Variants in PRICKLE2 observed in about 807,000 individuals in gnomAD.
The protein encoded by PRICKLE2 is prickle planar cell polarity protein 2, also known as prickle-like protein 2.
In PRICKLE2, 21 loss-of-function variants were observed where a neutral mutation model predicts 81.4. The ratio of observed to expected loss-of-function variants is 0.26; its 90% CI spans 0.18 to 0.37. The LOEUF is 0.37. Among genes scored for constraint, PRICKLE2 ranks in the 10% least tolerant of loss-of-function variants. PRICKLE2 has a pLI of 1.00. For synonymous variants in PRICKLE2, 456 were observed against 421.5 expected (o/e 1.08, Z -1.00); for missense variants, 940 against 1,109.0 (o/e 0.85, Z 2.16).
intron 7 of PRICKLE2, among the ~76,000 whole-genome samples, chr3:64,142,105 ATG>A (rs902141908): frequency 2.0e-5 from 3 of 152,144 alleles, no homozygotes; most frequent in Non-Finnish European, 4.4e-5. Context: ...GCAGAGTAGG[ATG>A]TGAAAGGCTA....
intron 2 of PRICKLE2, among the ~76,000 whole-genome samples, chr3:64,191,148 T>A (rs2078326112): frequency 3.9e-5 from 6 of 152,196 alleles, no homozygotes; most frequent in African/African-American, 1.2e-4. Context: ...AATTACCTTA[T>A]GAAAACCTTT....
chr3:64,257,808 A>G (rs2079549681), intron 2 of PRICKLE2, among the ~76,000 whole-genome samples: 1 of 152,130 alleles, frequency 6.6e-6, no homozygotes, highest in South Asian at 2.1e-4. Flanking sequence ...CCTCAAATTC[A>G]TAGGTTTAAA....
upstream of PRICKLE2, among the ~76,000 whole-genome samples, chr3:64,229,667 G>A (rs902716669): frequency 2.0e-5 from 3 of 152,124 alleles, no homozygotes; most frequent in African/African-American, 7.2e-5. Flanking sequence ...CCCTGCTATT[G>A]GGAAATTCTA....
intron 2 of PRICKLE2, among the ~76,000 whole-genome samples, chr3:64,264,134 G>C (rs1316398378): frequency 6.6e-6 from 1 of 151,860 alleles, no homozygotes; most frequent in Non-Finnish European, 1.5e-5. Context: ...AAGCATCCCA[G>C]GTAGATGCTT....
At chr3:64,178,332 T>G (rs959347905) in intron 2 of PRICKLE2, among the ~76,000 whole-genome samples, 1 of 152,196 alleles carries the variant, frequency 6.6e-6, no homozygotes, top group African/African-American at 2.4e-5. Context: ...TGTATCCTCC[T>G]ATAGGTAGGC....
At position 64,123,090 on chromosome 3, in the gene PRICKLE2, T is replaced by G. The variant is rs1160485425; in HGVS notation, c.1661-23165A>C. On this transcript the variant is annotated intron_variant, in intron 7 of 7. Transcript: ENST00000638394. Reference sequence around the variant, plus strand: ...CACCCAGCTCAGAGCTCCTACCCTTTTGATGGAAGTGCAACTGATCCAGCC... The same window carrying G: ...CACCCAGCTCAGAGCTCCTACCCTTGTGATGGAAGTGCAACTGATCCAGCC... Among the ~76,000 whole-genome samples the G allele has an allele frequency of 4.6e-5, 7 of 152,184 alleles. No individual in the cohort carries two copies. In the East Asian group the frequency reaches 1.3e-3, roughly 29 times the overall value.
intron 2 of PRICKLE2, among the ~76,000 whole-genome samples, chr3:64,177,793 T>C (rs549684254): frequency 1.3e-5 from 2 of 152,246 alleles, no homozygotes; most frequent in Admixed American, 6.5e-5. Flanking sequence ...ATTTTGTTTA[T>C]CCATTTTTAT....
In PRICKLE2 at chr3:64,157,336, G is replaced by A. The variant is rs559904651; in HGVS notation, c.426C>T (p.Ile142=). 12 of 1,613,556 alleles carry A rather than the reference G, an allele frequency of 7.4e-6. No homozygotes were observed. The highest frequency in any genetic ancestry group is 3.3e-5 in the South Asian group (3 of 91,042). The change falls in exon 5 of 8, where the codon ATC becomes ATT. Residue 142 remains isoleucine, a synonymous_variant. Transcript: ENST00000638394. ...QCGGQINGGD[I]AVFASRAGHG... The stretch of plus-strand genomic sequence containing the variant: ...GGCCAGCGCGTGACGCAAACACAGC[G>A]ATGTCTCCACCATTGATCTGGCCTC...
chr3:64,117,884 A>C (rs1005841094), intron 7 of PRICKLE2, among the ~76,000 whole-genome samples: 2 of 152,182 alleles, frequency 1.3e-5, no homozygotes, highest in African/African-American at 4.8e-5. Context: ...AAAAGAGCCC[A>C]AATAGCCAAG....
intron 2 of PRICKLE2, among the ~76,000 whole-genome samples, chr3:64,198,269 T>A (rs11707432): frequency 1.1e-5 from 1 of 95,144 alleles, no homozygotes; most frequent in Non-Finnish European, 2.1e-5. Flanking sequence ...ACAAAAAAAA[T>A]TTCAAGGGCT....
At chr3:64,250,328 T>C (rs550003276) in intron 2 of PRICKLE2, among the ~76,000 whole-genome samples, 16 of 152,292 alleles carry the variant, frequency 1.1e-4, no homozygotes, top group African/African-American at 3.8e-4. Context: ...ATTCAAATAG[T>C]GGCCTCATCT....
chr3:64,249,399 A>G (rs1262992767), intron 2 of PRICKLE2, among the ~76,000 whole-genome samples: 1 of 152,200 alleles, frequency 6.6e-6, no homozygotes, highest in Non-Finnish European at 1.5e-5. Context: ...ACAATTCGAC[A>G]TGAGATTTGG....
chr3:64,258,963 T>C (rs2079575445), intron 2 of PRICKLE2, among the ~76,000 whole-genome samples: 2 of 152,044 alleles, frequency 1.3e-5, no homozygotes, highest in African/African-American at 4.8e-5. Flanking sequence ...AATATTTTAT[T>C]TCTTGATTCT....
Position 64,123,755 on chromosome 3 carries a change from G to A in PRICKLE2, c.1660+23075C>T, listed in dbSNP as rs966480487. Among the ~76,000 whole-genome samples the A allele has an allele frequency of 1.1e-4, 17 of 152,128 alleles. 1 individual carries two copies. Among genetic ancestry groups the A allele is most frequent in the Admixed American group, 9.2e-4 (14 of 15,268 alleles). On this transcript the variant is annotated intron_variant, in intron 7 of 7. Transcript: ENST00000638394. ...TCATGAATTGCACCCATATAAGATGGTAAATAATATCATTAAATGTTGTAT... is the reference window on the plus strand; with the variant it reads ...TCATGAATTGCACCCATATAAGATGATAAATAATATCATTAAATGTTGTAT...
chr3:64,179,318 C>T (rs1389603767), intron 2 of PRICKLE2, among the ~76,000 whole-genome samples: 8 of 152,002 alleles, frequency 5.3e-5, no homozygotes, highest in South Asian at 2.1e-4. Flanking sequence ...TCAGGTGATC[C>T]GCCTGCCTCA....
At chr3:64,265,437 T>A (rs2079686985) in intron 2 of PRICKLE2, among the ~76,000 whole-genome samples, 1 of 152,164 alleles carries the variant, frequency 6.6e-6, no homozygotes, top group Non-Finnish European at 1.5e-5. Flanking sequence ...CACCTAGCGC[T>A]CTCCTACTTT....
intron 1 of PRICKLE2, among the ~76,000 whole-genome samples, chr3:64,204,132 A>G (rs532611928): frequency 3.4e-4 from 52 of 152,338 alleles, no homozygotes; most frequent in Admixed American, 3.1e-3. Context: ...CTCTTGGCCT[A>G]CGTTCTCAGA....
intron 7 of PRICKLE2, among the ~76,000 whole-genome samples, chr3:64,119,372 T>G (rs1489366604): frequency 2.0e-5 from 3 of 151,898 alleles, no homozygotes; most frequent in Non-Finnish European, 4.4e-5. Context: ...GAACTTAAAA[T>G]AAAAGTTGAA....
chr3:64,263,191 C>T (rs1421129672), intron 2 of PRICKLE2, among the ~76,000 whole-genome samples: 1 of 152,138 alleles, frequency 6.6e-6, no homozygotes, highest in African/African-American at 2.4e-5. Context: ...AGTAAGAGAA[C>T]CACTGCTAGA....
Sources: allele counts gnomAD v4.1 joint callset (sites outside exome capture counted in the v4.1 genomes callset), GRCh38; gene constraint gnomAD v4.1.1; transcripts MANE v1.5; gene names NCBI Gene and HGNC (gene_info 2026-07-23, HGNC 2026-07-21).